The following ITPK1 variants were observed in gnomAD, a reference collection of about 807,000 sequenced individuals.
ITPK1 encodes inositol 1,3,4-trisphosphate 5/6-kinase.
In ITPK1, 21 loss-of-function variants were observed where a neutral mutation model predicts 45.3. The ratio of observed to expected loss-of-function variants is 0.46; its 90% CI spans 0.33 to 0.67. The LOEUF is 0.67. Ranked by LOEUF, ITPK1 falls within the 30% of genes least tolerant of loss-of-function variation. The pLI, the probability that ITPK1 is intolerant of heterozygous loss-of-function variation, is 0.02. For missense variants in ITPK1, 474 were observed against 573.5 expected (o/e 0.83, Z 1.77); for synonymous variants, 258 against 253.6 (o/e 1.02, Z -0.16).
At chr14:93,095,287 T>C (rs1232330596) in intron 2 of ITPK1, among the ~76,000 whole-genome samples, 1 of 152,238 alleles carries the variant, frequency 6.6e-6, no homozygotes, top group Admixed American at 6.5e-5. Flanking sequence ...CAGTGAACTA[T>C]GGAACTTTAT....
At position 93,076,418 on chromosome 14, in the gene ITPK1, G is replaced by A. The variant is rs533873558; in HGVS notation, c.120+177C>T. Among the ~76,000 whole-genome samples, 15 of 152,100 alleles carry A rather than the reference G, an allele frequency of 9.9e-5. No individual in the cohort carries two copies. Among genetic ancestry groups the A allele is most frequent in the African/African-American group, 2.9e-4 (12 of 41,484 alleles). ...CCTCCAAACCCGAGAAGCCCCTGTC[G>A]GAGTCTGCCCAGGCCAGGGCAGAAA... On this transcript the variant is annotated intron_variant, in intron 3 of 10. Coordinates refer to ENST00000267615, the MANE Select transcript of ITPK1 (RefSeq NM_014216.6). This position sits in a 1 kb window ranked among gnomAD's most constrained non-coding sequence, Gnocchi z 4.3.
At chr14:92,961,434 T>C (rs1258000553) in intron 7 of ITPK1, among the ~76,000 whole-genome samples, 3 of 152,204 alleles carry the variant, frequency 2.0e-5, no homozygotes, top group East Asian at 1.9e-4. Context: ...GGGAACATCA[T>C]AGAGTGAATA....
intron 5 of ITPK1, among the ~76,000 whole-genome samples, chr14:92,964,634 G>A (rs570280872): frequency 5.9e-5 from 9 of 152,334 alleles, no homozygotes; most frequent in South Asian, 2.1e-4. Flanking sequence ...GGCAGGCTTC[G>A]GACGGGCGCT....
intron 2 of ITPK1, among the ~76,000 whole-genome samples, chr14:93,093,370 A>G (rs1261156507): frequency 6.6e-6 from 1 of 152,152 alleles, no homozygotes; most frequent in Non-Finnish European, 1.5e-5. Flanking sequence ...CTAGTCCTCA[A>G]GCCGCCCCTG....
At position 93,075,746 on chromosome 14, in the gene ITPK1, G is replaced by T. The variant is rs190328544; in HGVS notation, c.120+849C>A. Reference sequence around the variant, plus strand: ...AAGCCCCTTAGATATTCTAGCAGGGGCCAGCACCTCCACTGCCCTGATCTA... The same window carrying T: ...AAGCCCCTTAGATATTCTAGCAGGGTCCAGCACCTCCACTGCCCTGATCTA... On this transcript the variant is annotated intron_variant, in intron 3 of 10. Transcript: ENST00000267615. Among the ~76,000 whole-genome samples, 292 of 152,308 alleles carry T rather than the reference G, an allele frequency of 1.9e-3. 2 individuals are homozygous for T. Among genetic ancestry groups the T allele is most frequent in the African/African-American group, 6.8e-3 (281 of 41,572 alleles).
chr14:92,980,073 G>A (rs963284359), intron 5 of ITPK1, among the ~76,000 whole-genome samples: 46 of 152,160 alleles, frequency 3.0e-4, no homozygotes, highest in Non-Finnish European at 5.3e-4. Flanking sequence ...GAGCCACCAT[G>A]ACAGGCCTCA....
Position 92,962,770 on chromosome 14 carries a change from GTTC to G in ITPK1, c.441_443del (p.Lys147del). 2 of 1,613,602 alleles carry G rather than the reference GTTC, an allele frequency of 1.2e-6. No individual in the cohort carries two copies. ...ACGCACTGAATGGGAAAGTCAAGCC[GTTC>G]TTCTCCAGCAGCCGCATGGTGTCAT... On this transcript the variant is annotated inframe_deletion, in exon 6 of 11. Transcript: ENST00000267615.
At chr14:93,059,488 GGGTCTCAAGGTGGGCGCAGGTGCT>G (rs1890409556) in intron 3 of ITPK1, among the ~76,000 whole-genome samples, 10 of 90,812 alleles carry the variant, frequency 1.1e-4, no homozygotes, top group Admixed American at 2.2e-4. Context: ...GAGGGGGTGC[GGGTCTCAAGGTGGGCGCAGGTGCT>G]GGTCACAAGG....
intron 4 of ITPK1, among the ~76,000 whole-genome samples, chr14:92,994,341 G>C (rs76683084): frequency 0.09 from 13,731 of 152,210 alleles, 717 homozygotes; most frequent in East Asian, 0.2. Flanking sequence ...GCCCCGCACT[G>C]ATAAGGACTC....
At chr14:92,957,426 C>T (rs191124807) in intron 8 of ITPK1, among the ~76,000 whole-genome samples, 1 of 152,362 alleles carries the variant, frequency 6.6e-6, no homozygotes, top group East Asian at 1.9e-4. Flanking sequence ...AGCAGCTCCA[C>T]TGCCAGCAAA....
At position 92,989,233 on chromosome 14, in the gene ITPK1, G is replaced by A. The variant is rs528136005; in HGVS notation, c.364+4647C>T. 5.3e-5 allele frequency among the ~76,000 whole-genome samples: 8 copies of A among 152,274 alleles called. No individual in the cohort carries two copies. In the South Asian group the frequency reaches 1.5e-3, roughly 28 times the overall value. On this transcript the variant is annotated intron_variant, in intron 5 of 10. Coordinates refer to ENST00000267615, the MANE Select transcript of ITPK1 (RefSeq NM_014216.6). ...CTAATTAAATTCCCGTAAAACCACAGGCAGAAGCATTCAATCTGCGGTATG... is the reference window on the plus strand; with the variant it reads ...CTAATTAAATTCCCGTAAAACCACAAGCAGAAGCATTCAATCTGCGGTATG...
chr14:92,952,327 T>A (rs1440436347), intron 8 of ITPK1, among the ~76,000 whole-genome samples: 1 of 152,016 alleles, frequency 6.6e-6, no homozygotes, highest in Non-Finnish European at 1.5e-5. Flanking sequence ...TACAGGGAAG[T>A]AGGGGAAAAG....
chr14:93,062,984 CA>C (rs1206879949), intron 3 of ITPK1, among the ~76,000 whole-genome samples: 1 of 152,160 alleles, frequency 6.6e-6, no homozygotes, highest in Non-Finnish European at 1.5e-5. Flanking sequence ...CACCAGGCCC[CA>C]AAGCCCTGGC....
chr14:92,986,526 G>T (rs150555318), intron 5 of ITPK1, among the ~76,000 whole-genome samples: 1 of 152,280 alleles, frequency 6.6e-6, no homozygotes, highest in Non-Finnish European at 1.5e-5. Context: ...GTCATTGGGA[G>T]AGTACCTCCT....
At position 93,044,277 on chromosome 14, in the gene ITPK1, T is replaced by C. The variant is rs146171958; in HGVS notation, c.121-27476A>G. Among the ~76,000 whole-genome samples, 294 of 152,314 alleles carry C rather than the reference T, an allele frequency of 1.9e-3. 1 individual carries two copies. The highest frequency in any genetic ancestry group is 3.6e-3 in the Non-Finnish European group (246 of 68,024). On this transcript the variant is annotated intron_variant, in intron 3 of 10. Coordinates refer to ENST00000267615, the MANE Select transcript of ITPK1 (RefSeq NM_014216.6). ...CAAAGGAAAGAATGTAAAATTCCTG[T>C]GTGGGCCAAACAGATTGCATGCAGG...
At chr14:93,048,068 T>C (rs542700964) in intron 3 of ITPK1, among the ~76,000 whole-genome samples, 1 of 152,374 alleles carries the variant, frequency 6.6e-6, no homozygotes, top group African/African-American at 2.4e-5. Context: ...TTCTTTCATA[T>C]TGACAGCTGC....
intron 1 of ITPK1, among the ~76,000 whole-genome samples, 169 bp from the exon 2 acceptor site, chr14:93,115,474 G>T (rs944765458): frequency 3.4e-5 from 5 of 149,098 alleles, no homozygotes; most frequent in Non-Finnish European, 7.5e-5. Context: ...CGCCCGGCCT[G>T]CCGGCTGAGG....
chr14:92,940,438 A>C lies in ITPK1; in HGVS notation c.*1123T>G. The C allele has an allele frequency of 8.0e-6, 9 of 1,119,880 alleles. No individual in the cohort carries two copies. The highest frequency in any genetic ancestry group is 9.9e-6 in the Non-Finnish European group (9 of 906,936). The allele number at this position is 1,119,880 out of a possible 1,614,324, so 69.4% of individuals were successfully genotyped here. ...GTGATGGGGTGAGTCTGAGGTGTGC[A>C]GAAGCGATGGGGGGCGGGTGGCTCC... On this transcript the variant is annotated 3_prime_UTR_variant, in exon 11 of 11. Transcript: ENST00000267615.
chr14:92,967,413 AC>A lies in ITPK1; in HGVS notation c.365-4565del, dbSNP rs150438795. Among the ~76,000 whole-genome samples the A allele has an allele frequency of 2.0e-5, 3 of 152,282 alleles. No individual in the cohort carries two copies. The East Asian group carries it at 5.8e-4, about 29-fold the overall frequency. ...ACTATAATAAAAGAGACCAAAAATAACAAGTGTTGCTGAGGGTATGGAAAAA... is the reference window on the plus strand; with the variant it reads ...ACTATAATAAAAGAGACCAAAAATAAAAGTGTTGCTGAGGGTATGGAAAAA... On this transcript the variant is annotated intron_variant, in intron 5 of 10. Transcript: ENST00000267615.
Sources: allele counts gnomAD v4.1 joint callset (sites outside exome capture counted in the v4.1 genomes callset), GRCh38; gene constraint gnomAD v4.1.1; non-coding constraint Gnocchi (gnomAD v3.1); transcripts MANE v1.5; gene names NCBI Gene and HGNC (gene_info 2026-07-23, HGNC 2026-07-21).